The following USP40 variants were observed in gnomAD, a reference collection of about 807,000 sequenced individuals.
USP40 encodes ubiquitin specific peptidase 40.
USP40 carries 143 observed loss-of-function variants against 166.2 expected under a neutral mutation model. That is an observed-to-expected ratio of 0.86 (90% CI 0.75 to 0.99). The LOEUF is 0.99. USP40 is among the 50% of genes least tolerant of loss of function. The probability of loss-of-function intolerance (pLI) is 0.00; values close to 1 mark genes in which losing one functional copy is unlikely to be tolerated. For missense variants in USP40, 1,444 were observed against 1,479.7 expected, an observed-to-expected ratio of 0.98 and a Z score of 0.40; for synonymous variants, 498 against 524.0, an observed-to-expected ratio of 0.95 and a Z score of 0.68.
In USP40 at chr2:233,523,419, G is replaced by A. The variant is rs1221384789; in HGVS notation, c.1952C>T (p.Thr651Ile). 1.9e-6 allele frequency: 3 copies of A among 1,613,876 alleles called. No homozygotes were observed. In the African/African-American group the frequency reaches 4.0e-5, roughly 22 times the overall value. Residue 651 changes from threonine (T) to isoleucine (I), a missense_variant, in exon 16 of 32, where the codon ACA becomes ATA. Thr to Ile is a moderately conservative substitution (Grantham distance 89). Coordinates refer to ENST00000678225, the MANE Select transcript of USP40 (RefSeq NM_001365479.2). ...PLLLNVLHLD[T>I]SSDGEKCCQV... ...ACAACACTTTTCTCCATCACTGCTT[G>A]TGTCTAGATGAAGAACATTTAAAAG... is the stretch of plus-strand genomic sequence containing the variant.
rs145727365 is a variant in USP40 at position 233,529,720 on chromosome 2, A to G, written c.1472-208T>C. ...AATGAAAAGTAAACATTTCTTTAAG[A>G]CAAGCTAGAAGAATTCCATTTTTTC... On this transcript the variant is annotated intron_variant, in intron 11 of 31. Transcript: ENST00000678225. Among the ~76,000 whole-genome samples the G allele has an allele frequency of 4.2e-3, 635 of 152,228 alleles. 5 individuals carry two copies. Among genetic ancestry groups the G allele is most frequent in the African/African-American group, 0.014 (601 of 41,534 alleles).
At chr2:233,479,365 CCATCCTGGCCAA>C (rs1415964877) in intron 31 of USP40, among the ~76,000 whole-genome samples, 1 of 152,106 alleles carries the variant, frequency 6.6e-6, no homozygotes, top group African/African-American at 2.4e-5. Flanking sequence ...GAGATTGAGA[CCATCCTGGCCAA>C]CATGGTGAAA....
intron 21 of USP40, among the ~76,000 whole-genome samples, chr2:233,504,409 TAA>T (rs1240460091): frequency 6.6e-6 from 1 of 151,996 alleles, no homozygotes; most frequent in African/African-American, 2.4e-5. Flanking sequence ...ACCTCACTGT[TAA>T]AGACAAACAT....
At chr2:233,561,147 ATAGATG>A (rs1412885129) in intron 3 of USP40, 1 of 1,570,086 alleles carries the variant, frequency 6.4e-7, no homozygotes, top group Non-Finnish European at 8.6e-7. Flanking sequence ...CCAGTAAATC[ATAGATG>A]TAATACCTTT....
Position 233,483,572 on chromosome 2 carries a change from C to T in USP40, c.3504+1959G>A, listed in dbSNP as rs576247048. ...AAAGATTGAAAATGAGTGGTTTTCA[C>T]ATTTAAGTCTTCAACTGGATTGCCT... is the stretch of plus-strand genomic sequence containing the variant. On this transcript the variant is annotated intron_variant, in intron 30 of 31. Coordinates refer to ENST00000678225, the MANE Select transcript of USP40 (RefSeq NM_001365479.2). Among the ~76,000 whole-genome samples the T allele has an allele frequency of 2.6e-3, 397 of 152,258 alleles. 1 individual carries two copies. The highest frequency in any genetic ancestry group is 7.8e-3 in the Admixed American group (120 of 15,296).
chr2:233,527,221 G>A (rs2068090725), intron 13 of USP40, among the ~76,000 whole-genome samples, 186 bp downstream of exon 13: 1 of 152,198 alleles, frequency 6.6e-6, no homozygotes, highest in Non-Finnish European at 1.5e-5. Flanking sequence ...GGTAGGAGCT[G>A]TGGAGAAAAG....
intron 20 of USP40, among the ~76,000 whole-genome samples, chr2:233,511,164 G>T (rs2066806713): frequency 6.6e-6 from 1 of 152,120 alleles, no homozygotes. Flanking sequence ...TATGGCTTCT[G>T]GCAAAGGTCA....
chr2:233,547,540 T>C (rs1306533560), intron 8 of USP40, among the ~76,000 whole-genome samples: 1 of 152,190 alleles, frequency 6.6e-6, no homozygotes, highest in Non-Finnish European at 1.5e-5. Context: ...AGCATTAACT[T>C]TCTGATAACA....
intron 18 of USP40, among the ~76,000 whole-genome samples, chr2:233,516,718 C>T (rs1011118305): frequency 2.7e-5 from 4 of 150,606 alleles, no homozygotes; most frequent in African/African-American, 4.9e-5. Context: ...ATTAGCTGGA[C>T]GTGGTGGCAG....
chr2:233,489,567 C>T, intron 26 of USP40, 84 bp from the exon 27 acceptor site: 1 of 1,079,190 alleles, frequency 9.3e-7, no homozygotes, highest in Non-Finnish European at 1.3e-6. Context: ...AAATGAAGCA[C>T]TACACAGTGG....
At position 233,477,347 on chromosome 2, in the gene USP40, A is replaced by C; in HGVS notation, c.*45T>G. On this transcript the variant is annotated 3_prime_UTR_variant, in exon 32 of 32. Transcript: ENST00000678225. ...TGCCCAGGAAACCCACGTTTGTGGC[A>C]TCAGCCGGAGAGTTCATCGGGAGTA... 5.0e-6 allele frequency: 8 copies of C among 1,585,260 alleles called. No individual in the cohort carries two copies. The highest frequency in any genetic ancestry group is 6.9e-6 in the Non-Finnish European group (8 of 1,158,970).
Position 233,510,534 on chromosome 2 carries a change from C to T in USP40, c.2527-399G>A, listed in dbSNP as rs574923668. Among the ~76,000 whole-genome samples, 5 of 150,524 alleles carry T rather than the reference C, an allele frequency of 3.3e-5. No homozygotes were observed. In the South Asian group the frequency reaches 1.1e-3, roughly 32 times the overall value. ...TCTCCTACCTCAGCCTCCCATGTAG[C>T]TGGGATTCCAGGTGCATGCCACTAC... is the stretch of plus-strand genomic sequence containing the variant. On this transcript the variant is annotated intron_variant, in intron 20 of 31. Coordinates refer to ENST00000678225, the MANE Select transcript of USP40 (RefSeq NM_001365479.2).
In USP40 at chr2:233,477,471, A is replaced by T; in HGVS notation, c.3632T>A (p.Ile1211Asn). Reference protein sequence around the residue: ...QEALHEQSSYILSSAETPARP... With the variant: ...QEALHEQSSYNLSSAETPARP... ...GGCAGGCGTCTCTGCACTGGAGAGGATGTAGCTGCTCTGCTCATGGAGGGC... is the reference window on the plus strand; with the variant it reads ...GGCAGGCGTCTCTGCACTGGAGAGGTTGTAGCTGCTCTGCTCATGGAGGGC... The change falls in exon 32 of 32, where the codon ATC becomes AAC. Residue 1211 changes from isoleucine to asparagine, a missense_variant. Coordinates refer to ENST00000678225, the MANE Select transcript of USP40 (RefSeq NM_001365479.2). 6.2e-7 allele frequency: 1 copy of T among 1,613,732 alleles called. No homozygotes were observed. Among genetic ancestry groups the T allele is most frequent in the Non-Finnish European group, 8.5e-7 (1 of 1,179,856 alleles).
intron 10 of USP40, among the ~76,000 whole-genome samples, chr2:233,536,929 A>C (rs2068978370): frequency 6.6e-6 from 1 of 152,010 alleles, no homozygotes; most frequent in South Asian, 2.1e-4. Flanking sequence ...CCTGTTGCCC[A>C]GTCTGCAGTG....
Position 233,492,185 on chromosome 2 carries a change from T to C in USP40, c.2918-924A>G, listed in dbSNP as rs1031032505. Among the ~76,000 whole-genome samples, 3 of 152,220 alleles carry C rather than the reference T, an allele frequency of 2.0e-5. No homozygotes were observed. The South Asian group carries it at 6.2e-4, about 31-fold the overall frequency. On this transcript the variant is annotated intron_variant, in intron 25 of 31. Transcript: ENST00000678225. ...GTTTAGATACACAAACACCTGCCAC[T>C]GTGTTATGATTCGCCTTCAGTATTC...
chr2:233,509,813 C>T (rs1284210902), intron 21 of USP40, among the ~76,000 whole-genome samples: 2 of 145,936 alleles, frequency 1.4e-5, no homozygotes, highest in Non-Finnish European at 3.0e-5. Context: ...TGCACTCCAG[C>T]CTGGGTGACA....
intron 2 of USP40, among the ~76,000 whole-genome samples, chr2:233,563,763 T>C (rs1207076803): frequency 3.3e-5 from 5 of 152,160 alleles, no homozygotes; most frequent in Non-Finnish European, 7.4e-5. Flanking sequence ...ACCATCAGGA[T>C]TCAGGCTAAG....
At chr2:233,519,993 T>C (rs894096386) in intron 17 of USP40, among the ~76,000 whole-genome samples, 11 of 152,126 alleles carry the variant, frequency 7.2e-5, no homozygotes, top group African/African-American at 2.4e-4. Flanking sequence ...ACCAGTAACT[T>C]TTCTCATGAA....
intron 21 of USP40, among the ~76,000 whole-genome samples, chr2:233,503,325 G>A (rs1286221047): frequency 2.0e-5 from 3 of 152,196 alleles, no homozygotes; most frequent in Admixed American, 6.5e-5. Flanking sequence ...GTGCCAGGGG[G>A]AGAATAAATG....
Sources: allele counts gnomAD v4.1 joint callset (sites outside exome capture counted in the v4.1 genomes callset), GRCh38; gene constraint gnomAD v4.1.1; transcripts MANE v1.5; gene names NCBI Gene and HGNC (gene_info 2026-07-23, HGNC 2026-07-21).